TBCK: variants seen among roughly 807,000 people sequenced by gnomAD.
TBCK encodes the protein TBC1 domain containing kinase.
TBCK carries 99 observed loss-of-function variants against 113.4 expected under a neutral mutation model. That is an observed-to-expected ratio of 0.87 (90% confidence interval 0.74 to 1.03). TBCK has a LOEUF of 1.03. TBCK is among the 50% of genes least tolerant of loss of function. The pLI is 0.00. For synonymous variants in TBCK, 369 were observed against 370.8 expected, an observed-to-expected ratio of 1.00 and a Z score of 0.05; for missense variants, 1,045 against 1,061.3, an observed-to-expected ratio of 0.98 and a Z score of 0.21.
At chr4:106,187,541 T>A (rs1292552437) in intron 22 of TBCK, among the ~76,000 whole-genome samples, 1 of 152,050 alleles carries the variant, frequency 6.6e-6, no homozygotes, top group African/African-American at 2.4e-5. Context: ...CTCAGCCTCC[T>A]GAGTAGCCAG....
intron 3 of TBCK, among the ~76,000 whole-genome samples, chr4:106,278,976 GTTGTAATCCTTCTACCCTCACACT>G (rs1372621603): frequency 5.9e-5 from 9 of 152,082 alleles, no homozygotes; most frequent in African/African-American, 2.2e-4. Context: ...TGCTTATTTA[GTTGTAATCCTTCTACCCTCACACT>G]TTATTATTTA....
Position 106,287,478 on chromosome 4 carries a change from T to A in TBCK, c.266+7616A>T, listed in dbSNP as rs530940916. Among the ~76,000 whole-genome samples the A allele has an allele frequency of 5.8e-4, 89 of 152,312 alleles. 3 individuals carry two copies. The highest frequency in any genetic ancestry group is 1.7e-3 in the Admixed American group (26 of 15,304). On this transcript the variant is annotated intron_variant, in intron 3 of 25. Coordinates refer to ENST00000394708, the MANE Select transcript of TBCK (RefSeq NM_001163435.3). ...AGCCATGACTCATGAAATTCACATG[T>A]GCATTCTTGAGCAATCCTCTCCAAC...
chr4:106,072,736 T>C (rs1282657208), intron 25 of TBCK, among the ~76,000 whole-genome samples: 1 of 152,242 alleles, frequency 6.6e-6, no homozygotes, highest in Non-Finnish European at 1.5e-5. Context: ...AGTACACCAA[T>C]CAAACAGAGA....
At chr4:106,194,842 TG>T in intron 20 of TBCK, 88 bp from the exon 21 acceptor site, 2 of 1,175,496 alleles carry the variant, frequency 1.7e-6, no homozygotes, top group South Asian at 1.5e-5. Context: ...AAATGGTAAA[TG>T]TAAGTTCTAT....
chr4:106,219,811 T>C (rs1377396675), intron 19 of TBCK, among the ~76,000 whole-genome samples: 3 of 152,158 alleles, frequency 2.0e-5, no homozygotes, highest in Non-Finnish European at 4.4e-5. Context: ...AGTGCTGAGA[T>C]TACAGGTGAC....
intron 25 of TBCK, among the ~76,000 whole-genome samples, chr4:106,069,135 G>A (rs1737043560): frequency 6.6e-6 from 1 of 152,178 alleles, no homozygotes; most frequent in Non-Finnish European, 1.5e-5. Flanking sequence ...CTGTGCAGAA[G>A]CTCTTTAGTT....
At chr4:106,115,877 T>A (rs1208891180) in intron 24 of TBCK, among the ~76,000 whole-genome samples, 1 of 152,200 alleles carries the variant, frequency 6.6e-6, no homozygotes. Flanking sequence ...GTATACTTAC[T>A]CTTTATCTTT....
At chr4:106,219,893 CTACAG>C (rs1333171515) in intron 19 of TBCK, among the ~76,000 whole-genome samples, 2 of 152,104 alleles carry the variant, frequency 1.3e-5, no homozygotes, top group Admixed American at 6.5e-5. Context: ...CAACTTTCTC[CTACAG>C]TAAAGTAACA....
chr4:106,061,012 G>C lies in TBCK; in HGVS notation c.2572-14332C>G, dbSNP rs57485090. Among the ~76,000 whole-genome samples, 856 of 151,284 alleles carry C rather than the reference G, an allele frequency of 5.7e-3. 10 individuals are homozygous for C. The highest frequency in any genetic ancestry group is 0.02 in the African/African-American group (828 of 41,236). On this transcript the variant is annotated intron_variant, in intron 25 of 25. Transcript: ENST00000394708. The stretch of plus-strand genomic sequence containing the variant: ...TGCTGCAATCTCATGATAAAACTTG[G>C]ATGGATGAGGAGTTGCTTCTTATGA...
At chr4:106,262,429 C>T (rs1426248974) in intron 3 of TBCK, among the ~76,000 whole-genome samples, 1 of 152,018 alleles carries the variant, frequency 6.6e-6, no homozygotes, top group Non-Finnish European at 1.5e-5. Context: ...AAAGATCCTA[C>T]AGTTTCCTAA....
At chr4:106,212,255 T>C (rs914919995) in intron 20 of TBCK, among the ~76,000 whole-genome samples, 10 of 152,154 alleles carry the variant, frequency 6.6e-5, no homozygotes, top group African/African-American at 1.9e-4. Context: ...AGGGCTTGAT[T>C]CTATGTGACA....
intron 3 of TBCK, among the ~76,000 whole-genome samples, chr4:106,293,049 A>G (rs1765888465): frequency 6.6e-6 from 1 of 152,232 alleles, no homozygotes; most frequent in Non-Finnish European, 1.5e-5. Context: ...AAAGAGTTTA[A>G]GCATTACTTC....
In TBCK at chr4:106,181,012, C is replaced by T. The variant is rs181346037; in HGVS notation, c.2060-9742G>A. ...CAGTGTAAAAGCATTCCTATTTTTC[C>T]ACAACCTCTCCAGCATCTGTTGTTT... On this transcript the variant is annotated intron_variant, in intron 22 of 25. Coordinates refer to ENST00000394708, the MANE Select transcript of TBCK (RefSeq NM_001163435.3). Among the ~76,000 whole-genome samples the T allele has an allele frequency of 1.2e-3, 178 of 152,226 alleles. 1 individual carries two copies. Among genetic ancestry groups the T allele is most frequent in the African/African-American group, 4.0e-3 (166 of 41,544 alleles).
intron 19 of TBCK, among the ~76,000 whole-genome samples, chr4:106,215,285 G>C (rs1756737075): frequency 6.6e-6 from 1 of 151,876 alleles, no homozygotes; most frequent in East Asian, 1.9e-4. Context: ...TGACCATCGA[G>C]ACTACGAAGA....
intron 25 of TBCK, among the ~76,000 whole-genome samples, chr4:106,064,554 AAAGAT>A (rs1213245654): frequency 6.6e-6 from 1 of 151,908 alleles, no homozygotes; most frequent in Non-Finnish European, 1.5e-5. Flanking sequence ...TATTTTCTGA[AAAGAT>A]AAGACAAAGT....
intron 25 of TBCK, among the ~76,000 whole-genome samples, chr4:106,062,356 T>A (rs1003391102): frequency 2.6e-5 from 4 of 151,852 alleles, no homozygotes; most frequent in African/African-American, 9.7e-5. Context: ...TCATTTTGTA[T>A]CAGGAGCCCT....
intron 20 of TBCK, among the ~76,000 whole-genome samples, chr4:106,211,969 A>G (rs1390342543): frequency 1.3e-5 from 2 of 152,088 alleles, no homozygotes; most frequent in Non-Finnish European, 2.9e-5. Flanking sequence ...AAAAAATTAT[A>G]ATTGCTTGAG....
At chr4:106,072,918 A>G (rs1177238077) in intron 25 of TBCK, among the ~76,000 whole-genome samples, 2 of 152,188 alleles carry the variant, frequency 1.3e-5, no homozygotes, top group Non-Finnish European at 2.9e-5. Context: ...TGTGTCACAT[A>G]GCTCTCGTGC....
At chr4:106,131,092 A>G (rs571065805) in intron 23 of TBCK, among the ~76,000 whole-genome samples, 2 of 152,218 alleles carry the variant, frequency 1.3e-5, no homozygotes, top group East Asian at 3.9e-4. Context: ...TTTCTCCCAT[A>G]CTGTTCTCAT....
Sources: allele counts gnomAD v4.1 joint callset (sites outside exome capture counted in the v4.1 genomes callset), GRCh38; gene constraint gnomAD v4.1.1; transcripts MANE v1.5; gene names NCBI Gene and HGNC (gene_info 2026-07-23, HGNC 2026-07-21).